The following MPND variants were observed in gnomAD, a reference collection of about 807,000 sequenced individuals.
MPND encodes the protein MPN domain-containing protein.
A neutral mutation model predicts 59.2 loss-of-function variants in MPND; 56 were observed. The observed-to-expected ratio is 0.95, with a 90% confidence interval of 0.76 to 1.18. The LOEUF (loss-of-function observed/expected upper bound fraction) is 1.18, where lower values mean the gene tolerates loss of function less well. Among genes scored for constraint, MPND ranks in the 50% most tolerant of loss-of-function variants. The pLI, the probability that MPND is intolerant of heterozygous loss-of-function variation, is 0.00. For synonymous variants in MPND, 323 were observed against 291.9 expected, an observed-to-expected ratio of 1.11 and a Z score of -1.09; for missense variants, 671 against 676.0, an observed-to-expected ratio of 0.99 and a Z score of 0.08.
intron 12 of MPND, 106 bp downstream of exon 12, chr19:4,359,361 A>G (rs952583129): frequency 1.1e-4 from 84 of 787,580 alleles, no homozygotes; most frequent in Non-Finnish European, 1.6e-4. Flanking sequence ...GGGGCCTGAG[A>G]CAGCCCAGCT....
chr19:4,351,861 C>CA (rs1217874445), intron 3 of MPND, among the ~76,000 whole-genome samples: 1,109 of 51,322 alleles, frequency 0.022, 28 homozygotes, highest in Middle Eastern at 0.054. Context: ...GACTCTGTCT[C>CA]AAAAAAAAAA....
intron 4 of MPND, 21 bp from the exon 5 acceptor site, chr19:4,354,024 C>T: frequency 1.2e-6 from 2 of 1,607,146 alleles, no homozygotes; most frequent in Non-Finnish European, 1.7e-6. Context: ...GAGGGACTGA[C>T]CCTGCCTTTT....
intron 3 of MPND, among the ~76,000 whole-genome samples, chr19:4,349,934 A>C (rs1010751312): frequency 4.6e-5 from 7 of 152,238 alleles, no homozygotes; most frequent in Non-Finnish European, 7.3e-5. Flanking sequence ...TTGCCTAGCT[A>C]AGATGACACA....
At chr19:4,359,460 G>C (rs1380292122) in intron 12 of MPND, among the ~76,000 whole-genome samples, 1 of 152,216 alleles carries the variant, frequency 6.6e-6, no homozygotes, top group Non-Finnish European at 1.5e-5. Flanking sequence ...AGCTCCGGCA[G>C]TGCCGGATGA....
At chr19:4,352,420 T>G (rs146039402) in intron 3 of MPND, among the ~76,000 whole-genome samples, 1 of 151,824 alleles carries the variant, frequency 6.6e-6, no homozygotes, top group African/African-American at 2.4e-5. Flanking sequence ...TGCGGTGGCT[T>G]ACGCCTGTAA....
At chr19:4,345,625 G>T in intron 2 of MPND, 120 bp from the exon 3 acceptor site, 1 of 884,870 alleles carries the variant, frequency 1.1e-6, no homozygotes, top group Non-Finnish European at 1.8e-6. Context: ...CGGCCTGAGA[G>T]GTGTTCCTGG....
rs183837761 is a variant in MPND, at chr19:4,346,940, G to A, written c.531+959G>A. Among the ~76,000 whole-genome samples, 741 of 152,090 alleles carry A rather than the reference G, an allele frequency of 4.9e-3. 2 individuals are homozygous for A. The highest frequency in any genetic ancestry group is 8.6e-3 in the Non-Finnish European group (588 of 68,008). On this transcript the variant is annotated intron_variant, in intron 3 of 12. Coordinates refer to ENST00000599840, the MANE Select transcript of MPND (RefSeq NM_001300862.2). ...AGCTACTCGGGAGGCTGAGGCAGGAGAATCACTTGAACCTGCAAGGCGGAG... is the reference window on the plus strand; with the variant it reads ...AGCTACTCGGGAGGCTGAGGCAGGAAAATCACTTGAACCTGCAAGGCGGAG...
chr19:4,352,159 T>C (rs1599572271), intron 3 of MPND, among the ~76,000 whole-genome samples: 1 of 149,840 alleles, frequency 6.7e-6, no homozygotes, highest in African/African-American at 2.5e-5. Context: ...GGTGACAGAG[T>C]GAGACCGTGT....
chr19:4,343,880 G>C lies in MPND; in HGVS notation c.180G>C (p.Ala60=), dbSNP rs746035864. 1.3e-5 allele frequency: 16 copies of C among 1,231,030 alleles called. No homozygotes were observed. Among genetic ancestry groups the C allele is most frequent in the South Asian group, 3.9e-5 (1 of 25,868 alleles). 76.3% of individuals were successfully genotyped at this position (1,231,030 alleles called of 1,614,324 possible). The change falls in exon 2 of 13, where the codon GCG becomes GCC. Residue 60 remains alanine (A), a synonymous_variant. Coordinates refer to ENST00000599840, the MANE Select transcript of MPND (RefSeq NM_001300862.2). ...SGGGGGGGAG[A]GGCGGPGGAL... is the part of the protein sequence containing the mutation. ...GAGGCGGCGGCGGCGGGGCCGGGGC[G>C]GGGGGCTGCGGCGGGCCCGGGGGCG...
At position 4,354,066 on chromosome 19, in the gene MPND, G is replaced by A. The variant is rs758954428; in HGVS notation, c.686G>A (p.Arg229Gln). The change falls in exon 5 of 13, where the codon CGG becomes CAG. Residue 229 changes from arginine to glutamine, a missense_variant. By Grantham distance (43) the Arg-to-Gln change is conservative (BLOSUM62 1). Coordinates refer to ENST00000599840, the MANE Select transcript of MPND (RefSeq NM_001300862.2). ...CCAGAGGCCACAACCCCAGGGAAGC[G>A]GGTGGACAGCAAGATCCGGGTTCCG... ...AHPEATTPGKRVDSKIRVPVR... is the reference protein window; with the variant it reads ...AHPEATTPGKQVDSKIRVPVR... 45 of 1,613,348 alleles carry A rather than the reference G, an allele frequency of 2.8e-5. 1 individual carries two copies. In the South Asian group the frequency reaches 4.1e-4, roughly 15 times the overall value.
intron 8 of MPND, among the ~76,000 whole-genome samples, 163 bp downstream of exon 8, chr19:4,355,336 C>CTTTTTTTTTTTT (rs3048292): frequency 8.0e-6 from 1 of 124,454 alleles, no homozygotes; most frequent in Non-Finnish European, 1.6e-5. Flanking sequence ...AAGAACACTG[C>CTTTTTTTTTTTT]TTTTTTTTTT....
chr19:4,346,119 T>G (rs1361057896), intron 3 of MPND, 138 bp downstream of exon 3: 1 of 722,522 alleles, frequency 1.4e-6, no homozygotes, highest in Non-Finnish European at 2.3e-6. Context: ...GTGACATGCC[T>G]CCTCCATCCC....
In MPND at chr19:4,345,995, C is replaced by A; in HGVS notation, c.531+14C>A. The A allele has an allele frequency of 6.2e-7, 1 of 1,604,290 alleles. No individual in the cohort carries two copies. Among genetic ancestry groups the A allele is most frequent in the South Asian group, 1.1e-5 (1 of 90,200 alleles). On this transcript the variant is annotated intron_variant, in intron 3 of 12. Coordinates refer to ENST00000599840, the MANE Select transcript of MPND (RefSeq NM_001300862.2). ...GCTGCTGATGAGGTACGTGCTGCAG[C>A]CTCCTCCAGGAAGCCGCCCAGGTCA...
At chr19:4,350,277 G>A (rs1972286923) in intron 3 of MPND, among the ~76,000 whole-genome samples, 1 of 152,150 alleles carries the variant, frequency 6.6e-6, no homozygotes, top group African/African-American at 2.4e-5. Flanking sequence ...AAGGAGGTGG[G>A]GAGGATGGGA....
At chr19:4,345,655 C>A in intron 2 of MPND, 90 bp from the exon 3 acceptor site, 2 of 1,227,304 alleles carry the variant, frequency 1.6e-6, no homozygotes, top group South Asian at 1.3e-5. Flanking sequence ...AAAGACATGC[C>A]TGAGGGAGCG....
At chr19:4,350,719 C>A (rs1972297772) in intron 3 of MPND, among the ~76,000 whole-genome samples, 1 of 152,048 alleles carries the variant, frequency 6.6e-6, no homozygotes, top group Non-Finnish European at 1.5e-5. Context: ...TGAGTGTGAC[C>A]CTGTGAGTCC....
At chr19:4,353,570 T>C (rs200397267) in intron 4 of MPND, among the ~76,000 whole-genome samples, 1 of 70,020 alleles carries the variant, frequency 1.4e-5, no homozygotes. Flanking sequence ...ACCTGTTTTT[T>C]TGTTTTTTTG....
intron 10 of MPND, 97 bp from the exon 11 acceptor site, chr19:4,357,986 C>A: frequency 1.0e-6 from 1 of 965,960 alleles, no homozygotes; most frequent in Non-Finnish European, 1.6e-6. Context: ...CCGGGGTGTG[C>A]ACTCTCCCGT....
At chr19:4,353,959 T>G in intron 4 of MPND, 86 bp from the exon 5 acceptor site, 1 of 1,146,802 alleles carries the variant, frequency 8.7e-7, no homozygotes. Flanking sequence ...ACTGGGATTA[T>G]AGGCATGCAC....
Sources: gnomAD v4.1 joint callset for allele counts (sites outside exome capture counted in the v4.1 genomes callset) on GRCh38, gnomAD v4.1.1 for gene constraint, MANE v1.5 for transcripts, NCBI Gene and HGNC (gene_info 2026-07-23, HGNC 2026-07-21) for gene names.